CEP85L: variants seen among roughly 807,000 people sequenced by gnomAD.
CEP85L encodes centrosomal protein 85L.
Under a neutral mutation model 100.3 loss-of-function variants are expected in CEP85L, and 60 were observed. That is an observed-to-expected ratio of 0.60 (90% CI 0.49 to 0.74). CEP85L has a LOEUF of 0.74. Among genes scored for constraint, CEP85L ranks in the 30% least tolerant of loss-of-function variants. The probability of loss-of-function intolerance (pLI) is 0.00; values close to 1 mark genes in which losing one functional copy is unlikely to be tolerated. For missense variants in CEP85L, 973 were observed against 936.2 expected (o/e 1.04, Z -0.51); for synonymous variants, 319 against 322.7 (o/e 0.99, Z 0.12).
intron 6 of CEP85L, among the ~76,000 whole-genome samples, chr6:118,487,809 C>G (rs1774287287): frequency 6.6e-6 from 1 of 152,132 alleles, no homozygotes. Context: ...TTCCACAGTC[C>G]ACAGCTCCAG....
rs562127922 is a variant in CEP85L at position 118,465,170 on chromosome 6, T to C, written c.*235A>G. Reference sequence around the variant, plus strand: ...TCAGTAGTTTGAGAATATAGACATTTTTTTCCTTGTAGATTTTATCATATT... The same window carrying C: ...TCAGTAGTTTGAGAATATAGACATTCTTTTCCTTGTAGATTTTATCATATT... On this transcript the variant is annotated 3_prime_UTR_variant, in exon 13 of 13. Transcript: ENST00000368491. 2.7e-5 allele frequency: 12 copies of C among 446,712 alleles called. No individual in the cohort carries two copies. The highest frequency in any genetic ancestry group is 1.4e-4 in the African/African-American group (7 of 49,800). The allele number at this position is 446,712 out of a possible 1,614,324, so 27.7% of individuals were successfully genotyped here.
chr6:118,639,221 T>C (rs910591635), intron 1 of CEP85L, among the ~76,000 whole-genome samples: 1 of 152,212 alleles, frequency 6.6e-6, no homozygotes, highest in East Asian at 1.9e-4. Flanking sequence ...TCTGAAATAT[T>C]AACAAGTACT....
At chr6:118,478,998 T>G (rs1439861957) in intron 10 of CEP85L, among the ~76,000 whole-genome samples, 1 of 152,164 alleles carries the variant, frequency 6.6e-6, no homozygotes, top group Non-Finnish European at 1.5e-5. Flanking sequence ...GATTTACTTC[T>G]TGGAAAACGT....
intron 2 of CEP85L, among the ~76,000 whole-genome samples, chr6:118,608,773 G>A (rs1204051218): frequency 6.6e-6 from 1 of 152,184 alleles, no homozygotes; most frequent in Non-Finnish European, 1.5e-5. Context: ...ATGTATGTAT[G>A]TATATGGGGG....
upstream of CEP85L, among the ~76,000 whole-genome samples, chr6:118,657,394 G>A (rs1041157273): frequency 6.6e-6 from 1 of 152,176 alleles, no homozygotes; most frequent in Non-Finnish European, 1.5e-5. Flanking sequence ...GAGGCTGGCA[G>A]AACACTTGAA....
intron 1 of CEP85L, chr6:118,664,333 G>A (rs1442102150): frequency 2.6e-5 from 4 of 152,176 alleles, no homozygotes; most frequent in Admixed American, 2.6e-4. Context: ...TTTGAAAATA[G>A]TGAGACAGAT....
At chr6:118,474,758 T>C (rs1423313731) in intron 10 of CEP85L, among the ~76,000 whole-genome samples, 6 of 152,172 alleles carry the variant, frequency 3.9e-5, no homozygotes, top group Admixed American at 2.0e-4. Context: ...TGTCTCTCTA[T>C]AGGAATTCAC....
At chr6:118,555,784 G>C (rs1183871261) in intron 3 of CEP85L, among the ~76,000 whole-genome samples, 2 of 151,640 alleles carry the variant, frequency 1.3e-5, no homozygotes, top group African/African-American at 4.9e-5. Context: ...ACAGTTTTCT[G>C]CTCCTCTGCC....
At chr6:118,543,778 G>C (rs1036274631) in intron 3 of CEP85L, among the ~76,000 whole-genome samples, 3 of 152,210 alleles carry the variant, frequency 2.0e-5, no homozygotes, top group African/African-American at 7.2e-5. Context: ...TCTGTAAAGA[G>C]TGGGTTTTTC....
intron 1 of CEP85L, among the ~76,000 whole-genome samples, chr6:118,709,840 G>A (rs567169893): frequency 6.6e-6 from 1 of 152,072 alleles, no homozygotes; most frequent in Non-Finnish European, 1.5e-5. Context: ...ATCTAGATCC[G>A]AGTACTTTTC....
At chr6:118,596,665 TA>T (rs57495346) in intron 2 of CEP85L, among the ~76,000 whole-genome samples, 20 of 149,438 alleles carry the variant, frequency 1.3e-4, no homozygotes, top group African/African-American at 4.9e-4. Flanking sequence ...CTGATTTTTT[TA>T]AAAAAAAAAC....
chr6:118,613,324 C>T (rs1392964647), intron 2 of CEP85L, among the ~76,000 whole-genome samples: 1 of 152,196 alleles, frequency 6.6e-6, no homozygotes, highest in African/African-American at 2.4e-5. Context: ...CACACATAAA[C>T]TTGATAATTT....
chr6:118,472,536 TAA>T (rs1306593947), intron 10 of CEP85L, among the ~76,000 whole-genome samples: 1 of 152,018 alleles, frequency 6.6e-6, no homozygotes, highest in African/African-American at 2.4e-5. Flanking sequence ...TAAATTGTAT[TAA>T]GATATGTTTA....
At chr6:118,692,900 A>ACCCAG (rs1777093145) in intron 1 of CEP85L, among the ~76,000 whole-genome samples, 1 of 152,172 alleles carries the variant, frequency 6.6e-6, no homozygotes, top group African/African-American at 2.4e-5. Flanking sequence ...CACCCTTGTT[A>ACCCAG]CTTAGAAGCA....
chr6:118,466,689 G>C (rs1772546761), intron 12 of CEP85L, among the ~76,000 whole-genome samples: 2 of 152,102 alleles, frequency 1.3e-5, no homozygotes, highest in Admixed American at 1.3e-4. Context: ...AGAGTACCAA[G>C]AAATAAGGCT....
At chr6:118,643,503 T>C (rs1775001721) in intron 1 of CEP85L, among the ~76,000 whole-genome samples, 1 of 152,194 alleles carries the variant, frequency 6.6e-6, no homozygotes, top group Admixed American at 6.5e-5. Flanking sequence ...CTAAAAACTA[T>C]TTTCAAAACG....
chr6:118,483,664 G>A (rs764895343), intron 7 of CEP85L, 42 bp downstream of exon 7: 3 of 1,569,856 alleles, frequency 1.9e-6, no homozygotes, highest in South Asian at 2.4e-5. Flanking sequence ...AAGTTAACAT[G>A]TTTTCATGTC....
At chr6:118,577,036 G>T (rs183540456) in intron 2 of CEP85L, among the ~76,000 whole-genome samples, 20 of 152,292 alleles carry the variant, frequency 1.3e-4, no homozygotes, top group African/African-American at 4.8e-4. Flanking sequence ...GCCTGGGGCA[G>T]TAAGGCATGT....
chr6:118,687,409 GCTGA>G (rs1157086565), intron 1 of CEP85L, among the ~76,000 whole-genome samples: 8 of 152,092 alleles, frequency 5.3e-5, no homozygotes, highest in African/African-American at 1.4e-4. Flanking sequence ...GATTTCCTAG[GCTGA>G]CTAAGAATCC....
Sources: gnomAD v4.1 joint callset for allele counts (sites outside exome capture counted in the v4.1 genomes callset) on GRCh38, gnomAD v4.1.1 for gene constraint, MANE v1.5 for transcripts, NCBI Gene and HGNC (gene_info 2026-07-23, HGNC 2026-07-21) for gene names.